The following COL4A6 variants were observed in gnomAD, a reference collection of about 807,000 sequenced individuals.
The protein encoded by COL4A6 is collagen type IV alpha 6 chain, also known as collagen alpha-6(IV) chain.
COL4A6 carries 59 observed loss-of-function variants against 126.7 expected under a neutral mutation model. The observed-to-expected ratio is 0.47, with a 90% CI of 0.38 to 0.58. The LOEUF (loss-of-function observed/expected upper bound fraction) is 0.58, where lower values mean the gene tolerates loss of function less well. Among genes scored for constraint, COL4A6 ranks in the 20% least tolerant of loss-of-function variants. The pLI is 0.00. For missense variants in COL4A6, 1,285 were observed against 1,337.3 expected, an observed-to-expected ratio of 0.96 and a Z score of 0.61; for synonymous variants, 547 against 496.6, an observed-to-expected ratio of 1.10 and a Z score of -1.35.
At chrX:108,231,649 T>C (rs1043771021) in intron 3 of COL4A6, among the ~76,000 whole-genome samples, 2 of 111,535 alleles carry the variant, frequency 1.8e-5, no homozygotes, top group Admixed American at 9.6e-5. Flanking sequence ...AGCCTCTGTT[T>C]CTTCCACCAA....
intron 2 of COL4A6, among the ~76,000 whole-genome samples, chrX:108,333,501 G>A (rs193200536): frequency 9.0e-6 from 1 of 110,573 alleles, no homozygotes; most frequent in East Asian, 2.9e-4. Context: ...CTTTAAGAAT[G>A]AGAACAAGAC....
chrX:108,204,094 C>T (rs1043840766), intron 12 of COL4A6, among the ~76,000 whole-genome samples: 1 of 111,145 alleles, frequency 9.0e-6, no homozygotes, highest in Non-Finnish European at 1.9e-5. Flanking sequence ...TATTCAGATG[C>T]CCAGGCACAC....
chrX:108,157,168 G>A lies in COL4A6; in HGVS notation c.4905C>T (p.Cys1635=), dbSNP rs1258425096. The stretch of plus-strand genomic sequence containing the variant: ...AGTGGCAGGTGCCTCGGGCACCACT[G>A]CATTCGATGAAAGGAGTGGCCCGAA... ...EDFRATPFIE[C]SGARGTCHYF... Residue 1635 remains cysteine (C), a synonymous_variant, in exon 45 of 45, where the codon TGC becomes TGT. Coordinates refer to ENST00000334504, the MANE Select transcript of COL4A6 (RefSeq NM_033641.4). 8.3e-7 allele frequency: 1 copy of A among 1,212,067 alleles called. No homozygotes were observed.
At position 108,338,274 on chromosome X, in the gene COL4A6, G is replaced by C. The variant is rs753287941; in HGVS notation, c.64-27446C>G. 2.7e-5 allele frequency among the ~76,000 whole-genome samples: 3 copies of C among 112,100 alleles called. No homozygotes were observed. In the South Asian group the frequency reaches 1.1e-3, roughly 42 times the overall value. The stretch of plus-strand genomic sequence containing the variant: ...ATTCATCAATTTTCTTCAAACATCT[G>C]ATTGCCCATGCATGCCAAGACAGCT... On this transcript the variant is annotated intron_variant, in intron 2 of 44. Transcript: ENST00000334504.
At chrX:108,353,107 A>G (rs979778179) in intron 2 of COL4A6, among the ~76,000 whole-genome samples, 2 of 111,568 alleles carry the variant, frequency 1.8e-5, no homozygotes, top group Admixed American at 9.5e-5. Context: ...AAAAGGCTAG[A>G]CAAGTTCACT....
At chrX:108,300,907 T>C (rs780769947) in intron 3 of COL4A6, among the ~76,000 whole-genome samples, 1 of 112,074 alleles carries the variant, frequency 8.9e-6, no homozygotes, top group South Asian at 3.7e-4. Flanking sequence ...ACACAGAACA[T>C]AGTCTAGGAC....
At chrX:108,174,408 T>C in intron 31 of COL4A6, 32 bp downstream of exon 31, 1 of 1,201,853 alleles carries the variant, frequency 8.3e-7, no homozygotes, top group African/African-American at 1.7e-5. Context: ...GGGCCTTTTC[T>C]GGTATAAAGA....
intron 3 of COL4A6, among the ~76,000 whole-genome samples, chrX:108,298,374 A>C (rs1226773202): frequency 8.9e-6 from 1 of 112,229 alleles, no homozygotes; most frequent in African/African-American, 3.2e-5. Flanking sequence ...CAGACAGGGC[A>C]TTGTCCAGGG....
intron 37 of COL4A6, among the ~76,000 whole-genome samples, chrX:108,168,263 T>A (rs1398240784): frequency 8.9e-6 from 1 of 111,993 alleles, no homozygotes; most frequent in Non-Finnish European, 1.9e-5. Context: ...CTATATCCCA[T>A]GAAAGAAGAC....
chrX:108,330,196 G>C (rs1415766138), intron 2 of COL4A6, among the ~76,000 whole-genome samples: 4 of 110,672 alleles, frequency 3.6e-5, no homozygotes, highest in African/African-American at 1.3e-4. Flanking sequence ...GAGAAAGTAG[G>C]GCTCAAACTT....
At chrX:108,174,670 C>T (rs1367685954) in intron 30 of COL4A6, 49 bp from the exon 31 acceptor site, 1 of 1,089,613 alleles carries the variant, frequency 9.2e-7, no homozygotes, top group South Asian at 2.3e-5. Flanking sequence ...GCAAGAAAAA[C>T]CCAGCTTGCC....
intron 3 of COL4A6, among the ~76,000 whole-genome samples, chrX:108,290,578 A>G (rs1379882172): frequency 8.9e-6 from 1 of 111,939 alleles, no homozygotes; most frequent in African/African-American, 3.2e-5. Flanking sequence ...AGACTTTACC[A>G]TAATTCTATA....
intron 3 of COL4A6, among the ~76,000 whole-genome samples, chrX:108,307,969 A>G (rs2147899519): frequency 8.9e-6 from 1 of 112,289 alleles, no homozygotes; most frequent in South Asian, 3.7e-4. Flanking sequence ...CTCATGAAAT[A>G]TGGCTTGGTC....
At chrX:108,174,680 C>T in intron 30 of COL4A6, 59 bp from the exon 31 acceptor site, 1 of 1,062,096 alleles carries the variant, frequency 9.4e-7, no homozygotes, top group Non-Finnish European at 1.3e-6. Flanking sequence ...CCCAGCTTGC[C>T]AAGATGCAGG....
rs185763918 is a variant in COL4A6, at chrX:108,234,264, A to C, written c.145-12890T>G. On this transcript the variant is annotated intron_variant, in intron 3 of 44. Coordinates refer to ENST00000334504, the MANE Select transcript of COL4A6 (RefSeq NM_033641.4). Reference sequence around the variant, plus strand: ...AGAGCAAGATCTTTAGTCTGAGTCTAGCAGCTTTTCCAACTATTCCCTTAA... The same window carrying C: ...AGAGCAAGATCTTTAGTCTGAGTCTCGCAGCTTTTCCAACTATTCCCTTAA... Among the ~76,000 whole-genome samples the C allele has an allele frequency of 3.6e-3, 409 of 112,143 alleles. 4 individuals are homozygous for C. Among genetic ancestry groups the C allele is most frequent in the Non-Finnish European group, 6.1e-3 (326 of 53,198 alleles).
chrX:108,363,031 T>C (rs987044144), intron 2 of COL4A6, among the ~76,000 whole-genome samples: 3 of 112,269 alleles, frequency 2.7e-5, no homozygotes, highest in South Asian at 3.7e-4. Flanking sequence ...TTTACTTCTA[T>C]TTATGCAATG....
chrX:108,165,550 T>TCAGAGAAAATGGAAGCTCACA, intron 37 of COL4A6, 64 bp from the exon 38 acceptor site: 1 of 798,401 alleles, frequency 1.3e-6, no homozygotes. Context: ...CCAGGCTCTT[T>TCAGAGAAAATGGAAGCTCACA]CAGAGAAAAT....
chrX:108,261,986 T>C (rs185311843), intron 3 of COL4A6, among the ~76,000 whole-genome samples: 1 of 111,947 alleles, frequency 8.9e-6, no homozygotes, highest in East Asian at 2.8e-4. Context: ...TAACCAACTC[T>C]TGGCAAAAAC....
At chrX:108,424,310 C>T (rs1044537557) in intron 2 of COL4A6, among the ~76,000 whole-genome samples, 1 of 111,380 alleles carries the variant, frequency 9.0e-6, no homozygotes, top group South Asian at 3.8e-4. Context: ...CTGATCAGCC[C>T]GTCCCTCCAA....
Sources: allele counts gnomAD v4.1 joint callset (sites outside exome capture counted in the v4.1 genomes callset), GRCh38; gene constraint gnomAD v4.1.1; transcripts MANE v1.5; gene names NCBI Gene and HGNC (gene_info 2026-07-23, HGNC 2026-07-21).